The following ATXN10 variants were observed in gnomAD, a reference collection of about 807,000 sequenced individuals.
The protein encoded by ATXN10 is ataxin-10.
ATXN10 carries 28 observed loss-of-function variants against 52.9 expected under a neutral mutation model. The observed-to-expected ratio is 0.53, with a 90% CI of 0.39 to 0.73. ATXN10 has a LOEUF of 0.73. Ranked by LOEUF, ATXN10 falls within the 30% of genes least tolerant of loss-of-function variation. The pLI is 0.00. For missense variants in ATXN10, 565 were observed against 577.0 expected, an observed-to-expected ratio of 0.98 and a Z score of 0.21; for synonymous variants, 226 against 221.5, an observed-to-expected ratio of 1.02 and a Z score of -0.18.
chr22:45,740,304 C>G, intron 8 of ATXN10, 65 bp from the exon 9 acceptor site: 1 of 1,501,826 alleles, frequency 6.7e-7, no homozygotes, highest in South Asian at 1.1e-5. Context: ...CTATGGAAAA[C>G]TATTAGTACA....
chr22:45,752,110 G>T (rs1361215347), intron 9 of ATXN10, among the ~76,000 whole-genome samples: 1 of 152,106 alleles, frequency 6.6e-6, no homozygotes. Context: ...TTAAAGTTGG[G>T]AATATTTTTT....
At chr22:45,773,605 G>A (rs1185497889) in intron 9 of ATXN10, among the ~76,000 whole-genome samples, 1 of 151,994 alleles carries the variant, frequency 6.6e-6, no homozygotes, top group Non-Finnish European at 1.5e-5. Context: ...ATTACAGGCT[G>A]CACCATCATG....
intron 9 of ATXN10, among the ~76,000 whole-genome samples, chr22:45,768,227 A>G (rs5764845): frequency 0.58 from 88,522 of 151,898 alleles, 26,875 homozygotes; most frequent in East Asian, 0.75. Flanking sequence ...GGCTCCTTGG[A>G]GATATGGCTG....
chr22:45,825,075 A>T lies in ATXN10; in HGVS notation c.1238-17916A>T, dbSNP rs936615172. On this transcript the variant is annotated intron_variant, in intron 10 of 11. Coordinates refer to ENST00000252934, the MANE Select transcript of ATXN10 (RefSeq NM_013236.4). This position sits in a 1 kb window ranked among gnomAD's most constrained non-coding sequence, Gnocchi z 4.5. ...CAGTCCTATGGCAGACAGCTGCTGT[A>T]CACTGTTCCTAGAGCATCTTGCAAG... Among the ~76,000 whole-genome samples the T allele has an allele frequency of 2.0e-5, 3 of 152,218 alleles. No homozygotes were observed. The highest frequency in any genetic ancestry group is 7.2e-5 in the African/African-American group (3 of 41,458).
At chr22:45,689,650 A>C in intron 1 of ATXN10, 62 bp from the exon 2 acceptor site, 1 of 1,505,540 alleles carries the variant, frequency 6.6e-7, no homozygotes, top group Non-Finnish European at 9.2e-7. Context: ...AGTTTTCTGA[A>C]TAGGACATTT....
At chr22:45,697,777 C>A (rs1923674784) in intron 3 of ATXN10, among the ~76,000 whole-genome samples, 1 of 152,138 alleles carries the variant, frequency 6.6e-6, no homozygotes, top group South Asian at 2.1e-4. Flanking sequence ...ACTACAGGCG[C>A]CCGCCACCAC....
chr22:45,819,702 C>T lies in ATXN10; in HGVS notation c.1237+12680C>T, dbSNP rs193038433. Among the ~76,000 whole-genome samples the T allele has an allele frequency of 6.6e-6, 1 of 152,238 alleles. No homozygotes were observed. The highest frequency in any genetic ancestry group is 6.5e-5 in the Admixed American group (1 of 15,292). Reference sequence around the variant, plus strand: ...TTGGCCTGTGGTCTGTGCTTGTATACATTATTATTATCATTTAATGTATGT... The same window carrying T: ...TTGGCCTGTGGTCTGTGCTTGTATATATTATTATTATCATTTAATGTATGT... On this transcript the variant is annotated intron_variant, in intron 10 of 11. Transcript: ENST00000252934. This position sits in a 1 kb window ranked among gnomAD's most constrained non-coding sequence, Gnocchi z 4.5.
chr22:45,672,312 T>G, intron 1 of ATXN10, 133 bp downstream of exon 1: 2 of 1,023,152 alleles, frequency 2.0e-6, no homozygotes. Context: ...GCGGGCTGCC[T>G]GAGCGCCACC....
intron 5 of ATXN10, among the ~76,000 whole-genome samples, chr22:45,716,062 C>T (rs993956192): frequency 6.6e-6 from 1 of 152,034 alleles, no homozygotes; most frequent in African/African-American, 2.4e-5. Flanking sequence ...GAGTTCAAGA[C>T]CAGCCAGAGC....
intron 4 of ATXN10, among the ~76,000 whole-genome samples, chr22:45,702,020 G>C (rs1196515969): frequency 1.3e-5 from 2 of 152,120 alleles, no homozygotes; most frequent in African/African-American, 4.8e-5. Context: ...AACCAAATTT[G>C]AATTCCAGTT....
chr22:45,703,472 AT>A (rs375896813), intron 5 of ATXN10, among the ~76,000 whole-genome samples: 59 of 152,060 alleles, frequency 3.9e-4, no homozygotes, highest in African/African-American at 1.4e-3. Flanking sequence ...TTTCGCTGTT[AT>A]TTGTTTGAAT....
chr22:45,704,442 C>T (rs1046661322), intron 5 of ATXN10, among the ~76,000 whole-genome samples: 1 of 151,854 alleles, frequency 6.6e-6, no homozygotes, highest in Admixed American at 6.6e-5. Context: ...TTTATTTAGG[C>T]CTTTTAAATT....
rs893126929 is a variant in ATXN10, at chr22:45,842,346, TG to T, written c.1238-644del. On this transcript the variant is annotated intron_variant, in intron 10 of 11. Coordinates refer to ENST00000252934, the MANE Select transcript of ATXN10 (RefSeq NM_013236.4). The surrounding 1 kb of genome is among the most constrained non-coding windows in gnomAD (Gnocchi z 4.8). Reference sequence around the variant, plus strand: ...CTCCTGCCAAGCGGAACGTGCCAGGTGAACACTTGGGCACAGTGAGCCCCGA... The same window carrying T: ...CTCCTGCCAAGCGGAACGTGCCAGGTAACACTTGGGCACAGTGAGCCCCGA... 2.6e-5 allele frequency among the ~76,000 whole-genome samples: 4 copies of T among 152,168 alleles called. No homozygotes were observed. Among genetic ancestry groups the T allele is most frequent in the Admixed American group, 1.3e-4 (2 of 15,286 alleles).
At chr22:45,809,412 A>G (rs942478338) in intron 10 of ATXN10, among the ~76,000 whole-genome samples, 1 of 152,178 alleles carries the variant, frequency 6.6e-6, no homozygotes. Flanking sequence ...TAAGGGAACA[A>G]TATCTCTAGC....
In ATXN10 at chr22:45,678,451, A is replaced by G. The variant is rs1337330859; in HGVS notation, c.116+6272A>G. ...AATTTTGGTGGGCATGTGAAGCTATATATTTATGATTTTTAAAAAGTCACA... is the reference window on the plus strand; with the variant it reads ...AATTTTGGTGGGCATGTGAAGCTATGTATTTATGATTTTTAAAAAGTCACA... On this transcript the variant is annotated intron_variant, in intron 1 of 11. Coordinates refer to ENST00000252934, the MANE Select transcript of ATXN10 (RefSeq NM_013236.4). The surrounding 1 kb of genome is among the most constrained non-coding windows in gnomAD (Gnocchi z 4.1). 6.6e-6 allele frequency: 1 copy of G among 152,184 alleles called. No homozygotes were observed. The highest frequency in any genetic ancestry group is 1.9e-4 in the East Asian group (1 of 5,202). The allele number at this position is 152,184 out of a possible 1,614,324, so 9.4% of individuals were successfully genotyped here.
At chr22:45,801,577 A>G (rs1321771303) in intron 9 of ATXN10, among the ~76,000 whole-genome samples, 2 of 152,220 alleles carry the variant, frequency 1.3e-5, no homozygotes, top group Non-Finnish European at 2.9e-5. Flanking sequence ...GCAAAAGAGT[A>G]TGGATGGAAA....
Position 45,842,883 on chromosome 22 carries a change from T to C in ATXN10, c.1238-108T>C. 8.2e-7 allele frequency: 1 copy of C among 1,222,092 alleles called. No individual in the cohort carries two copies. The highest frequency in any genetic ancestry group is 1.2e-6 in the Non-Finnish European group (1 of 832,632). The allele number at this position is 1,222,092 out of a possible 1,614,324, so 75.7% of individuals were successfully genotyped here. A position where few individuals can be genotyped will look rare whatever the true frequency, so the allele number is the denominator to read the frequency against. On this transcript the variant is annotated intron_variant, in intron 10 of 11. Coordinates refer to ENST00000252934, the MANE Select transcript of ATXN10 (RefSeq NM_013236.4). The surrounding 1 kb of genome is among the most constrained non-coding windows in gnomAD (Gnocchi z 4.8). Reference sequence around the variant, plus strand: ...ATCCTCAAGAAAACTTGTGGATTGATACTGGATGTTCCGTGTTTCTGTGCT... The same window carrying C: ...ATCCTCAAGAAAACTTGTGGATTGACACTGGATGTTCCGTGTTTCTGTGCT...
chr22:45,698,958 A>G (rs1923727705), intron 3 of ATXN10, among the ~76,000 whole-genome samples: 1 of 152,190 alleles, frequency 6.6e-6, no homozygotes, highest in South Asian at 2.1e-4. Context: ...TTAGCAGGGT[A>G]TGTGTGCCAG....
intron 9 of ATXN10, among the ~76,000 whole-genome samples, chr22:45,751,702 T>G (rs1925957044): frequency 6.8e-6 from 1 of 147,280 alleles, no homozygotes. Context: ...AAAAGTGCTC[T>G]TATTTCAAAT....
Sources: allele counts gnomAD v4.1 joint callset (sites outside exome capture counted in the v4.1 genomes callset), GRCh38; gene constraint gnomAD v4.1.1; non-coding constraint Gnocchi (gnomAD v3.1); transcripts MANE v1.5; gene names NCBI Gene and HGNC (gene_info 2026-07-23, HGNC 2026-07-21).